DNAJC1: variants seen among roughly 807,000 people sequenced by gnomAD.
DNAJC1 encodes the protein DnaJ heat shock protein family (Hsp40) member C1.
Under a neutral mutation model 76.6 loss-of-function variants are expected in DNAJC1, and 58 were observed. The ratio of observed to expected loss-of-function variants is 0.76; its 90% CI spans 0.61 to 0.94. The LOEUF (loss-of-function observed/expected upper bound fraction) is 0.94, where lower values mean the gene tolerates loss of function less well. Among genes scored for constraint, DNAJC1 ranks in the 40% least tolerant of loss-of-function variants. The probability of loss-of-function intolerance (pLI) is 0.00; values close to 1 mark genes in which losing one functional copy is unlikely to be tolerated. For missense variants in DNAJC1, 689 were observed against 677.3 expected (o/e 1.02, Z -0.19); for synonymous variants, 258 against 267.9 (o/e 0.96, Z 0.36).
intron 1 of DNAJC1, among the ~76,000 whole-genome samples, chr10:21,942,727 A>C (rs1837436333): frequency 6.6e-6 from 1 of 150,778 alleles, no homozygotes; most frequent in South Asian, 2.1e-4. Context: ...AATGGCATGA[A>C]CCTGGGAGGC....
chr10:21,895,525 T>A (rs1187205601), intron 7 of DNAJC1, among the ~76,000 whole-genome samples: 1 of 152,124 alleles, frequency 6.6e-6, no homozygotes, highest in Non-Finnish European at 1.5e-5. Context: ...CTACTTATAG[T>A]AAAATGCAAG....
At chr10:21,808,107 A>G (rs1264012219) in intron 8 of DNAJC1, among the ~76,000 whole-genome samples, 2 of 152,170 alleles carry the variant, frequency 1.3e-5, no homozygotes, top group Admixed American at 6.5e-5. Context: ...ATCATTGCAT[A>G]AAGATATATA....
chr10:21,835,000 T>C (rs374673499), intron 8 of DNAJC1, among the ~76,000 whole-genome samples: 1 of 152,276 alleles, frequency 6.6e-6, no homozygotes, highest in South Asian at 2.1e-4. Context: ...AGCACGCAGC[T>C]TGAGATCTGA....
intron 6 of DNAJC1, among the ~76,000 whole-genome samples, chr10:21,915,352 G>A (rs560735340): frequency 5.3e-5 from 8 of 152,190 alleles, no homozygotes; most frequent in African/African-American, 1.9e-4. Context: ...CAAAGGAATG[G>A]GTATTTAGAG....
intron 1 of DNAJC1, among the ~76,000 whole-genome samples, chr10:21,945,141 T>C (rs1018463638): frequency 4.6e-5 from 7 of 152,156 alleles, no homozygotes; most frequent in African/African-American, 1.4e-4. Flanking sequence ...AGTGGTAATA[T>C]ATGAAGGCTT....
At chr10:21,884,535 C>T (rs1305483843) in intron 7 of DNAJC1, among the ~76,000 whole-genome samples, 2 of 151,990 alleles carry the variant, frequency 1.3e-5, no homozygotes, top group South Asian at 2.1e-4. Flanking sequence ...AGCCTTTTCC[C>T]CAGCAATTCT....
chr10:21,936,822 GA>G (rs1467320689), intron 1 of DNAJC1, among the ~76,000 whole-genome samples: 1 of 151,378 alleles, frequency 6.6e-6, no homozygotes, highest in East Asian at 1.9e-4. Context: ...TAGTACACTA[GA>G]AAAAAAACTG....
At chr10:21,999,056 G>C (rs564895738) in intron 1 of DNAJC1, among the ~76,000 whole-genome samples, 1 of 152,260 alleles carries the variant, frequency 6.6e-6, no homozygotes, top group African/African-American at 2.4e-5. Flanking sequence ...TATACCTGGT[G>C]GATAAGGGGA....
intron 1 of DNAJC1, among the ~76,000 whole-genome samples, chr10:21,943,515 C>T (rs985703225): frequency 2.0e-5 from 3 of 152,168 alleles, no homozygotes; most frequent in African/African-American, 4.8e-5. Context: ...TCTGAAAGCT[C>T]AGCCCAGCTG....
intron 8 of DNAJC1, among the ~76,000 whole-genome samples, chr10:21,849,789 G>C (rs1194264724): frequency 1.3e-5 from 2 of 152,020 alleles, no homozygotes; most frequent in African/African-American, 4.8e-5. Flanking sequence ...GTTTATCCCA[G>C]GAATGCAAGG....
intron 11 of DNAJC1, 41 bp downstream of exon 11, chr10:21,759,129 A>G (rs766451235): frequency 6.4e-7 from 1 of 1,567,468 alleles, no homozygotes; most frequent in Admixed American, 1.8e-5. Flanking sequence ...CTCTGGTGGG[A>G]TTCTAACACC....
intron 10 of DNAJC1, among the ~76,000 whole-genome samples, chr10:21,760,861 A>G (rs1161119953): frequency 6.6e-6 from 1 of 152,224 alleles, no homozygotes; most frequent in Admixed American, 6.5e-5. Context: ...ACAGATGTAT[A>G]TACAAATTTA....
intron 8 of DNAJC1, among the ~76,000 whole-genome samples, chr10:21,807,139 AAAG>A (rs1834892461): frequency 6.6e-6 from 1 of 152,190 alleles, no homozygotes; most frequent in African/African-American, 2.4e-5. Flanking sequence ...AATTAAAATG[AAAG>A]AATAAAGAAA....
chr10:21,844,480 T>A (rs1391175355), intron 8 of DNAJC1, among the ~76,000 whole-genome samples: 1 of 152,110 alleles, frequency 6.6e-6, no homozygotes, highest in African/African-American at 2.4e-5. Flanking sequence ...ATATTAAGAT[T>A]TTTAGAAGTA....
At chr10:21,808,413 T>C (rs1834915708) in intron 8 of DNAJC1, among the ~76,000 whole-genome samples, 2 of 152,196 alleles carry the variant, frequency 1.3e-5, no homozygotes, top group South Asian at 2.1e-4. Flanking sequence ...AGTATTTGGA[T>C]TGAATTCCTG....
chr10:21,786,320 A>G (rs1236373322), intron 9 of DNAJC1, among the ~76,000 whole-genome samples: 2 of 151,606 alleles, frequency 1.3e-5, no homozygotes, highest in Non-Finnish European at 1.5e-5. Context: ...TACTATGTAA[A>G]TTCAGGTATT....
intron 1 of DNAJC1, among the ~76,000 whole-genome samples, chr10:21,955,494 CA>C (rs1222518233): frequency 1.3e-5 from 2 of 152,172 alleles, no homozygotes; most frequent in Admixed American, 1.3e-4. Flanking sequence ...TTTTACTTTA[CA>C]TATTTCTGTA....
intron 11 of DNAJC1, among the ~76,000 whole-genome samples, chr10:21,757,883 C>A (rs1834194425): frequency 6.6e-6 from 1 of 152,182 alleles, no homozygotes; most frequent in South Asian, 2.1e-4. Flanking sequence ...TCCAGCCCCC[C>A]AGGTATGAGT....
At chr10:21,993,621 A>C (rs1332273405) in intron 1 of DNAJC1, among the ~76,000 whole-genome samples, 1 of 152,056 alleles carries the variant, frequency 6.6e-6, no homozygotes, top group Non-Finnish European at 1.5e-5. Context: ...ATTTTCATTT[A>C]TATTTGTATT....
Sources: allele counts gnomAD v4.1 joint callset (sites outside exome capture counted in the v4.1 genomes callset), GRCh38; gene constraint gnomAD v4.1.1; transcripts MANE v1.5; gene names NCBI Gene and HGNC (gene_info 2026-07-23, HGNC 2026-07-21).